ZNF804A: variants seen among roughly 807,000 people sequenced by gnomAD.
ZNF804A encodes the protein zinc finger protein 804A.
Under a neutral mutation model 16.5 loss-of-function variants are expected in ZNF804A, and 2 were observed. That is an observed-to-expected ratio of 0.12 (90% CI 0.05 to 0.38). ZNF804A has a LOEUF of 0.38. Among genes scored for constraint, ZNF804A ranks in the 10% least tolerant of loss-of-function variants. ZNF804A has a pLI of 0.99. For synonymous variants in ZNF804A, 534 were observed against 489.6 expected (o/e 1.09, Z -1.20); for missense variants, 1,473 against 1,390.7 (o/e 1.06, Z -0.94).
intron 1 of ZNF804A, among the ~76,000 whole-genome samples, chr2:184,822,447 T>A (rs1695099522): frequency 6.6e-6 from 1 of 151,998 alleles, no homozygotes; most frequent in Non-Finnish European, 1.5e-5. Flanking sequence ...CTGGACTTAA[T>A]ACCTAGGAGA....
chr2:184,783,962 AAT>A (rs1694410276), intron 1 of ZNF804A, among the ~76,000 whole-genome samples: 1 of 152,016 alleles, frequency 6.6e-6, no homozygotes, highest in Non-Finnish European at 1.5e-5. Flanking sequence ...GATTGAATAA[AAT>A]GTTAAATGCT....
At chr2:184,604,038 T>C (rs1414389597) in intron 1 of ZNF804A, among the ~76,000 whole-genome samples, 1 of 152,156 alleles carries the variant, frequency 6.6e-6, no homozygotes, top group East Asian at 1.9e-4. Flanking sequence ...CTTTTGTTAA[T>C]TCATTAAATA....
rs540726049 is a variant in ZNF804A at position 184,792,961 on chromosome 2, G to C, written c.112-73408G>C. On this transcript the variant is annotated intron_variant, in intron 1 of 3. Coordinates refer to ENST00000302277, the MANE Select transcript of ZNF804A (RefSeq NM_194250.2). ...CCCCTAGCAGTCCACAGTGTCTATT[G>C]TTCCCCAATTTATGTACATATGTGC... 2.1e-4 allele frequency among the ~76,000 whole-genome samples: 32 copies of C among 151,940 alleles called. No individual in the cohort carries two copies. In the South Asian group the frequency reaches 3.5e-3, roughly 17 times the overall value.
chr2:184,655,691 T>C (rs181748996), intron 1 of ZNF804A, among the ~76,000 whole-genome samples: 1 of 152,096 alleles, frequency 6.6e-6, no homozygotes, highest in African/African-American at 2.4e-5. Flanking sequence ...GGTTTTTTTT[T>C]CGTGGAGTTC....
intron 2 of ZNF804A, among the ~76,000 whole-genome samples, chr2:184,883,940 G>C (rs368349401): frequency 2.0e-5 from 3 of 151,580 alleles, no homozygotes; most frequent in African/African-American, 7.3e-5. Flanking sequence ...TAGTACTAGA[G>C]GTATTTTACT....
chr2:184,621,051 C>A (rs895885577), intron 1 of ZNF804A, among the ~76,000 whole-genome samples: 1 of 151,106 alleles, frequency 6.6e-6, no homozygotes, highest in Non-Finnish European at 1.5e-5. Context: ...CGAACATAAA[C>A]AAACATTCAA....
intron 1 of ZNF804A, among the ~76,000 whole-genome samples, chr2:184,830,275 T>TCC (rs1216967841): frequency 6.6e-6 from 1 of 152,180 alleles, no homozygotes; most frequent in African/African-American, 2.4e-5. Flanking sequence ...TAAATTTGTG[T>TCC]CTATTAAATG....
intron 1 of ZNF804A, among the ~76,000 whole-genome samples, chr2:184,809,616 C>T (rs919421499): frequency 6.6e-6 from 1 of 151,504 alleles, no homozygotes; most frequent in African/African-American, 2.4e-5. Context: ...ATTCTAGAAC[C>T]TACATATGTA....
chr2:184,620,304 T>A (rs1350163213), intron 1 of ZNF804A, among the ~76,000 whole-genome samples: 4 of 151,588 alleles, frequency 2.6e-5, no homozygotes. Context: ...CAAATAAGAG[T>A]TAAAATATAT....
chr2:184,656,327 T>C (rs1213233737), intron 1 of ZNF804A, among the ~76,000 whole-genome samples: 1 of 152,122 alleles, frequency 6.6e-6, no homozygotes, highest in Non-Finnish European at 1.5e-5. Flanking sequence ...CCCTACTAAA[T>C]TTATAGGAGT....
intron 1 of ZNF804A, among the ~76,000 whole-genome samples, chr2:184,783,138 G>GTTTTTTTTT (rs57207733): frequency 5.8e-5 from 5 of 86,120 alleles, no homozygotes; most frequent in Non-Finnish European, 8.6e-5. Context: ...AAAAGAGTGA[G>GTTTTTTTTT]TTTTTTTTTT....
chr2:184,844,181 C>CT (rs973769282), intron 1 of ZNF804A, among the ~76,000 whole-genome samples: 1 of 151,708 alleles, frequency 6.6e-6, no homozygotes, highest in Non-Finnish European at 1.5e-5. Flanking sequence ...TATACCCCCC[C>CT]CCATTTCTTC....
At chr2:184,760,376 A>T (rs1022382852) in intron 1 of ZNF804A, among the ~76,000 whole-genome samples, 1 of 152,160 alleles carries the variant, frequency 6.6e-6, no homozygotes, top group Non-Finnish European at 1.5e-5. Flanking sequence ...TTATTTTTTC[A>T]TTAAAATACA....
Position 184,887,048 on chromosome 2 carries a change from T to C in ZNF804A, c.255+20536T>C, listed in dbSNP as rs1471139734. 7.2e-5 allele frequency among the ~76,000 whole-genome samples: 11 copies of C among 152,322 alleles called. No individual in the cohort carries two copies. In the East Asian group the frequency reaches 2.1e-3, roughly 29 times the overall value. ...GGCTGCAAATTTTCCAAACTTATAT[T>C]CTCTGCTTCCCTTATAAAACTTAAT... On this transcript the variant is annotated intron_variant, in intron 2 of 3. Transcript: ENST00000302277.
chr2:184,733,542 T>A (rs1693557005), intron 1 of ZNF804A, among the ~76,000 whole-genome samples: 1 of 152,162 alleles, frequency 6.6e-6, no homozygotes, highest in African/African-American at 2.4e-5. Context: ...ATGGAATGGC[T>A]TAGGGAAACT....
chr2:184,691,715 A>G (rs1036261258), intron 1 of ZNF804A, among the ~76,000 whole-genome samples: 1 of 151,806 alleles, frequency 6.6e-6, no homozygotes, highest in Non-Finnish European at 1.5e-5. Context: ...AGGTAAGGGA[A>G]GGATAGAATA....
intron 1 of ZNF804A, among the ~76,000 whole-genome samples, chr2:184,675,287 TG>T (rs1692403907): frequency 6.6e-6 from 1 of 151,814 alleles, no homozygotes; most frequent in Non-Finnish European, 1.5e-5. Context: ...AATCCTATTA[TG>T]ACTATCTTAA....
intron 1 of ZNF804A, among the ~76,000 whole-genome samples, chr2:184,622,164 G>C (rs1051869285): frequency 6.6e-6 from 1 of 151,698 alleles, no homozygotes; most frequent in Non-Finnish European, 1.5e-5. Flanking sequence ...TCTCTCACAC[G>C]TCAAGTTCAT....
At chr2:184,744,827 G>T (rs183617181) in intron 1 of ZNF804A, among the ~76,000 whole-genome samples, 3 of 151,732 alleles carry the variant, frequency 2.0e-5, no homozygotes, top group Non-Finnish European at 4.4e-5. Context: ...ACAACTATCC[G>T]TATAAATATG....
Sources: gnomAD v4.1 joint callset for allele counts (sites outside exome capture counted in the v4.1 genomes callset) on GRCh38, gnomAD v4.1.1 for gene constraint, MANE v1.5 for transcripts, NCBI Gene and HGNC (gene_info 2026-07-23, HGNC 2026-07-21) for gene names.